The following CAMTA1 variants were observed in gnomAD, a reference collection of about 807,000 sequenced individuals.
The protein encoded by CAMTA1 is calmodulin-binding transcription activator 1.
A neutral mutation model predicts 170.9 loss-of-function variants in CAMTA1; 27 were observed. The observed-to-expected ratio is 0.16, with a 90% CI of 0.12 to 0.22. The LOEUF (loss-of-function observed/expected upper bound fraction) is 0.22, where lower values mean the gene tolerates loss of function less well. Among genes scored for constraint, CAMTA1 ranks in the 10% least tolerant of loss-of-function variants. The pLI is 1.00. For synonymous variants in CAMTA1, 833 were observed against 891.5 expected, an observed-to-expected ratio of 0.93 and a Z score of 1.17; for missense variants, 1,619 against 2,217.2, an observed-to-expected ratio of 0.73 and a Z score of 5.42.
At chr1:7,360,252 G>A (rs1347956343) in intron 5 of CAMTA1, among the ~76,000 whole-genome samples, 1 of 152,156 alleles carries the variant, frequency 6.6e-6, no homozygotes, top group African/African-American at 2.4e-5. Flanking sequence ...TAAATGTTAG[G>A]GGACTCAACC....
chr1:7,143,350 G>A (rs531828881), intron 4 of CAMTA1, among the ~76,000 whole-genome samples: 1 of 152,228 alleles, frequency 6.6e-6, no homozygotes, highest in Admixed American at 6.5e-5. Flanking sequence ...ATTAGTCACT[G>A]CAAGAAGCAA....
intron 6 of CAMTA1, among the ~76,000 whole-genome samples, chr1:7,475,124 T>G (rs1366707595): frequency 6.6e-6 from 1 of 152,258 alleles, no homozygotes; most frequent in African/African-American, 2.4e-5. Context: ...TTCTTTTTCT[T>G]TCTTCTTTTT....
chr1:7,470,352 A>C (rs563915602), intron 6 of CAMTA1, among the ~76,000 whole-genome samples: 4 of 152,356 alleles, frequency 2.6e-5, no homozygotes, highest in African/African-American at 9.6e-5. Flanking sequence ...GCTAATTACA[A>C]CACCAGGATA....
chr1:6,886,420 A>C (rs1198964259), intron 3 of CAMTA1: 1 of 388,832 alleles, frequency 2.6e-6, no homozygotes, highest in Non-Finnish European at 5.0e-6. Flanking sequence ...TATTTAGTTG[A>C]ATAACTACTA....
At chr1:7,399,407 C>G (rs964345585) in intron 5 of CAMTA1, among the ~76,000 whole-genome samples, 1 of 152,166 alleles carries the variant, frequency 6.6e-6, no homozygotes, top group African/African-American at 2.4e-5. Context: ...GAACCATGAG[C>G]TAAATAAACC....
intron 6 of CAMTA1, among the ~76,000 whole-genome samples, chr1:7,638,431 G>A (rs1315925575): frequency 1.3e-5 from 2 of 152,122 alleles, no homozygotes; most frequent in South Asian, 2.1e-4. Flanking sequence ...ACCTGAGGTC[G>A]GGAGTTCGAG....
At chr1:7,346,958 C>T (rs1399746125) in intron 5 of CAMTA1, among the ~76,000 whole-genome samples, 2 of 152,236 alleles carry the variant, frequency 1.3e-5, no homozygotes, top group Non-Finnish European at 2.9e-5. Context: ...CATCTGGCAG[C>T]CAGCACGGAT....
chr1:6,881,414 G>A (rs1160118350), intron 3 of CAMTA1, among the ~76,000 whole-genome samples: 2 of 152,190 alleles, frequency 1.3e-5, no homozygotes, highest in East Asian at 1.9e-4. Context: ...TGTCTAGAGT[G>A]AGTATTCCAA....
rs532522074 is a variant in CAMTA1, at chr1:7,113,852, G to A, written c.302+22481G>A. On this transcript the variant is annotated intron_variant, in intron 4 of 22. Transcript: ENST00000303635. This position sits in a 1 kb window ranked among gnomAD's most constrained non-coding sequence, Gnocchi z 4.5. The stretch of plus-strand genomic sequence containing the variant: ...TTGGTGAGTGAGGTTTTACTTCTCC[G>A]TCCTTTGGTCCAAGGCTACTGGGAG... 6.6e-5 allele frequency among the ~76,000 whole-genome samples: 10 copies of A among 152,300 alleles called. No homozygotes were observed. In the South Asian group the frequency reaches 8.3e-4, roughly 13 times the overall value.
intron 3 of CAMTA1, among the ~76,000 whole-genome samples, chr1:6,932,263 T>A (rs1684549241): frequency 6.6e-6 from 1 of 152,212 alleles, no homozygotes; most frequent in African/African-American, 2.4e-5. Flanking sequence ...TTTATATAAA[T>A]GGAGTCATAC....
chr1:6,921,130 C>T (rs1681926016), intron 3 of CAMTA1, among the ~76,000 whole-genome samples: 1 of 152,230 alleles, frequency 6.6e-6, no homozygotes, highest in Admixed American at 6.5e-5. Flanking sequence ...ATGCCTTTAG[C>T]AGCACCCAAG....
intron 6 of CAMTA1, among the ~76,000 whole-genome samples, chr1:7,541,014 G>A (rs2094604501): frequency 6.6e-6 from 1 of 152,222 alleles, no homozygotes; most frequent in Admixed American, 6.5e-5. Flanking sequence ...GAGGTTGCAG[G>A]GTCCCTCCGC....
intron 6 of CAMTA1, among the ~76,000 whole-genome samples, chr1:7,486,130 G>T (rs2093614146): frequency 6.6e-6 from 1 of 152,154 alleles, no homozygotes; most frequent in Non-Finnish European, 1.5e-5. Context: ...TCCTCAATTC[G>T]GTGTGACAGT....
intron 3 of CAMTA1, among the ~76,000 whole-genome samples, chr1:7,054,597 G>A (rs1249112861): frequency 1.3e-5 from 2 of 152,266 alleles, no homozygotes; most frequent in East Asian, 3.9e-4. Flanking sequence ...TGAGGGGGTC[G>A]TACAGGAGAG....
chr1:7,550,677 T>C (rs2094787546), intron 6 of CAMTA1, among the ~76,000 whole-genome samples: 1 of 140,144 alleles, frequency 7.1e-6, no homozygotes, highest in Non-Finnish European at 1.5e-5. Flanking sequence ...GGCCCTCCCC[T>C]ACCTGACTCT....
chr1:7,302,041 G>A (rs531446874), intron 5 of CAMTA1, among the ~76,000 whole-genome samples: 12 of 152,266 alleles, frequency 7.9e-5, no homozygotes, highest in Non-Finnish European at 1.5e-4. Context: ...CGATCAGGAC[G>A]CTGGTCTTTG....
intron 3 of CAMTA1, among the ~76,000 whole-genome samples, chr1:7,004,927 C>A (rs1040171800): frequency 6.6e-6 from 1 of 152,072 alleles, no homozygotes; most frequent in Non-Finnish European, 1.5e-5. Flanking sequence ...GCCATCACAC[C>A]CGGCTAATTT....
chr1:7,033,782 C>A (rs759091926), intron 3 of CAMTA1, among the ~76,000 whole-genome samples: 1 of 151,670 alleles, frequency 6.6e-6, no homozygotes, highest in Non-Finnish European at 1.5e-5. Flanking sequence ...TCAGTAGAGA[C>A]GGGGTTTTAC....
At chr1:7,035,137 C>T (rs1288868524) in intron 3 of CAMTA1, among the ~76,000 whole-genome samples, 1 of 152,168 alleles carries the variant, frequency 6.6e-6, no homozygotes, top group African/African-American at 2.4e-5. Flanking sequence ...GGCGGTGGCT[C>T]ATACCTGTAA....
Sources: allele counts gnomAD v4.1 joint callset (sites outside exome capture counted in the v4.1 genomes callset), GRCh38; gene constraint gnomAD v4.1.1; non-coding constraint Gnocchi (gnomAD v3.1); transcripts MANE v1.5; gene names NCBI Gene and HGNC (gene_info 2026-07-23, HGNC 2026-07-21).